SPRED1: variants seen among roughly 807,000 people sequenced by gnomAD.
SPRED1 encodes sprouty-related, EVH1 domain-containing protein 1.
Under a neutral mutation model 52.3 loss-of-function variants are expected in SPRED1, and 18 were observed. The observed-to-expected ratio is 0.34, with a 90% CI of 0.24 to 0.51. The LOEUF (loss-of-function observed/expected upper bound fraction) is 0.51, where lower values mean the gene tolerates loss of function less well. Ranked by LOEUF, SPRED1 falls within the 20% of genes least tolerant of loss-of-function variation. The pLI is 0.97. For missense variants in SPRED1, 485 were observed against 551.0 expected (o/e 0.88, Z 1.20); for synonymous variants, 155 against 179.7 (o/e 0.86, Z 1.10).
At chr15:38,263,458 G>A (rs1894242801) in intron 1 of SPRED1, among the ~76,000 whole-genome samples, 1 of 152,170 alleles carries the variant, frequency 6.6e-6, no homozygotes, top group Admixed American at 6.5e-5. Flanking sequence ...ATGGAAAGAT[G>A]ACAAGTGAGA....
intron 1 of SPRED1, among the ~76,000 whole-genome samples, chr15:38,294,512 A>G (rs1378309240): frequency 6.6e-6 from 1 of 152,158 alleles, no homozygotes; most frequent in Non-Finnish European, 1.5e-5. Flanking sequence ...GTGACTTAAA[A>G]CAACAGAAAT....
intron 1 of SPRED1, among the ~76,000 whole-genome samples, chr15:38,274,269 A>G (rs1894500602): frequency 6.6e-6 from 1 of 152,298 alleles, no homozygotes; most frequent in East Asian, 1.9e-4. Flanking sequence ...CCAGTTAACA[A>G]TTTTGTTTCT....
In SPRED1 at chr15:38,351,007, T is replaced by C. The variant is rs371620589; in HGVS notation, c.685-7T>C. On this transcript the variant is annotated splice_polypyrimidine_tract_variant and splice_region_variant and intron_variant, in intron 6 of 6. Transcript: ENST00000299084. Reference sequence around the variant, plus strand: ...CTCATTGCAGTTTTTATCTGTTTCTTTTTTAGGTCCCTTTGAAATCAATCA... The same window carrying C: ...CTCATTGCAGTTTTTATCTGTTTCTCTTTTAGGTCCCTTTGAAATCAATCA... 3 of 1,611,278 alleles carry C rather than the reference T, an allele frequency of 1.9e-6. No individual in the cohort carries two copies. The highest frequency in any genetic ancestry group is 1.6e-4 in the Middle Eastern group (1 of 6,082).
intron 1 of SPRED1, among the ~76,000 whole-genome samples, chr15:38,272,942 T>G (rs570211021): frequency 6.6e-6 from 1 of 152,344 alleles, no homozygotes; most frequent in South Asian, 2.1e-4. Flanking sequence ...ATTATGTCTT[T>G]GTTGGATGCA....
At chr15:38,258,321 A>G (rs1186734364) in intron 1 of SPRED1, among the ~76,000 whole-genome samples, 2 of 152,198 alleles carry the variant, frequency 1.3e-5, no homozygotes, top group Admixed American at 6.5e-5. Context: ...AGTGGGTACA[A>G]TTGTAGCTTA....
intron 4 of SPRED1, among the ~76,000 whole-genome samples, chr15:38,339,284 A>G (rs1208939996): frequency 6.6e-6 from 1 of 152,188 alleles, no homozygotes; most frequent in African/African-American, 2.4e-5. Flanking sequence ...TCAACACAAT[A>G]GTAGACTAAT....
intron 5 of SPRED1, among the ~76,000 whole-genome samples, chr15:38,345,050 C>T (rs1253624198): frequency 2.0e-5 from 3 of 152,142 alleles, no homozygotes; most frequent in Non-Finnish European, 4.4e-5. Context: ...CAGCACACTG[C>T]TGTTAGGATA....
At chr15:38,300,154 C>A (rs1034566170) in intron 2 of SPRED1, among the ~76,000 whole-genome samples, 21 of 151,950 alleles carry the variant, frequency 1.4e-4, no homozygotes, top group Admixed American at 1.4e-3. Context: ...TGGTTTCTTA[C>A]CTGTATACAT....
intron 1 of SPRED1, among the ~76,000 whole-genome samples, chr15:38,292,911 G>A (rs1200274715): frequency 1.3e-5 from 2 of 152,046 alleles, no homozygotes; most frequent in Non-Finnish European, 2.9e-5. Flanking sequence ...ACATAAAGTT[G>A]ATTTAATATA....
chr15:38,353,228 G>A lies in SPRED1; in HGVS notation c.*1564G>A, dbSNP rs995772594. 1.3e-5 allele frequency: 2 copies of A among 152,460 alleles called. No individual in the cohort carries two copies. Among genetic ancestry groups the A allele is most frequent in the Non-Finnish European group, 2.9e-5 (2 of 67,886 alleles). The allele number at this position is 152,460 out of a possible 1,614,324, so 9.4% of individuals were successfully genotyped here. On this transcript the variant is annotated 3_prime_UTR_variant, in exon 7 of 7. Coordinates refer to ENST00000299084, the MANE Select transcript of SPRED1 (RefSeq NM_152594.3). ...TCATTTTCTATGCAGGTTTTTAAAC[G>A]TCATTTATGTATCATTCTTTTTATA...
At chr15:38,289,953 AT>A (rs535470553) in intron 1 of SPRED1, among the ~76,000 whole-genome samples, 3 of 151,886 alleles carry the variant, frequency 2.0e-5, no homozygotes, top group African/African-American at 7.3e-5. Context: ...TGTGTTACAT[AT>A]TTTTTTCCCA....
At chr15:38,349,806 C>G (rs767370186) in intron 6 of SPRED1, among the ~76,000 whole-genome samples, 8 of 152,078 alleles carry the variant, frequency 5.3e-5, no homozygotes, top group Non-Finnish European at 1.0e-4. Context: ...TAGCTCAGAC[C>G]TAGAATTTTC....
intron 1 of SPRED1, among the ~76,000 whole-genome samples, chr15:38,285,808 A>T: frequency 6.6e-6 from 1 of 152,208 alleles, no homozygotes; most frequent in East Asian, 1.9e-4. Context: ...CCTTTTCCCC[A>T]GAATAGCCCA....
intron 1 of SPRED1, among the ~76,000 whole-genome samples, chr15:38,281,899 C>G (rs1319792833): frequency 6.6e-6 from 1 of 152,088 alleles, no homozygotes; most frequent in Admixed American, 6.5e-5. Flanking sequence ...ACAGAAGTTC[C>G]TGAAATTTCT....
chr15:38,331,971 C>G (rs1038419777), intron 4 of SPRED1, among the ~76,000 whole-genome samples: 1 of 152,076 alleles, frequency 6.6e-6, no homozygotes, highest in Non-Finnish European at 1.5e-5. Flanking sequence ...TGCCCATAAT[C>G]AGAGTATTAG....
intron 1 of SPRED1, among the ~76,000 whole-genome samples, chr15:38,288,894 T>C (rs1894863745): frequency 6.6e-6 from 1 of 152,222 alleles, no homozygotes; most frequent in South Asian, 2.1e-4. Context: ...TGATATGAGA[T>C]AAATTATTCT....
chr15:38,332,349 A>G (rs1174032411), intron 4 of SPRED1, among the ~76,000 whole-genome samples: 1 of 152,102 alleles, frequency 6.6e-6, no homozygotes, highest in African/African-American at 2.4e-5. Flanking sequence ...TGAGATGGAA[A>G]GACTGCTTGA....
At chr15:38,271,099 A>G (rs1275892377) in intron 1 of SPRED1, among the ~76,000 whole-genome samples, 1 of 152,208 alleles carries the variant, frequency 6.6e-6, no homozygotes. Context: ...TTATTGAGCG[A>G]CAAAGTCATT....
intron 2 of SPRED1, among the ~76,000 whole-genome samples, chr15:38,311,991 C>T (rs968582687): frequency 1.3e-5 from 2 of 151,952 alleles, no homozygotes; most frequent in African/African-American, 4.8e-5. Flanking sequence ...TGAGATTTTT[C>T]CTCCTTTGTA....
Sources: allele counts gnomAD v4.1 joint callset (sites outside exome capture counted in the v4.1 genomes callset), GRCh38; gene constraint gnomAD v4.1.1; transcripts MANE v1.5; gene names NCBI Gene and HGNC (gene_info 2026-07-23, HGNC 2026-07-21).